The following ABCB5 variants were observed in gnomAD, a reference collection of about 807,000 sequenced individuals.
ABCB5 encodes the protein ATP-binding cassette sub-family B member 5.
A neutral mutation model predicts 144.2 loss-of-function variants in ABCB5; 155 were observed. That is an observed-to-expected ratio of 1.08 (90% CI 0.94 to 1.23). The LOEUF is 1.23. ABCB5 is among the 50% of genes most tolerant of loss of function. The probability of loss-of-function intolerance (pLI) is 0.00; values close to 1 mark genes in which losing one functional copy is unlikely to be tolerated. For synonymous variants in ABCB5, 610 were observed against 528.6 expected, an observed-to-expected ratio of 1.15 and a Z score of -2.11; for missense variants, 1,830 against 1,520.8, an observed-to-expected ratio of 1.20 and a Z score of -3.38.
chr7:20,750,010 C>T (rs1782866783), intron 26 of ABCB5, among the ~76,000 whole-genome samples: 1 of 152,040 alleles, frequency 6.6e-6, no homozygotes, highest in African/African-American at 2.4e-5. Context: ...ACTTAAATCA[C>T]AAGGAAAGAA....
chr7:20,676,603 CAG>C (rs1483827646), intron 14 of ABCB5, among the ~76,000 whole-genome samples: 2 of 152,102 alleles, frequency 1.3e-5, no homozygotes, highest in African/African-American at 4.8e-5. Flanking sequence ...GGGAGAGAAA[CAG>C]GGAATTGCTG....
At chr7:20,626,218 T>A (rs1783905532) in intron 2 of ABCB5, among the ~76,000 whole-genome samples, 1 of 152,164 alleles carries the variant, frequency 6.6e-6, no homozygotes, top group South Asian at 2.1e-4. Context: ...AGTAAAGAGT[T>A]CTGTGGGTAA....
intron 16 of ABCB5, among the ~76,000 whole-genome samples, chr7:20,690,533 TC>T (rs1420098836): frequency 6.6e-6 from 1 of 152,040 alleles, no homozygotes; most frequent in Non-Finnish European, 1.5e-5. Context: ...CATTAGAGGG[TC>T]TTATTCAGAA....
In ABCB5 at chr7:20,756,859, T is replaced by C. The variant is rs1045782367; in HGVS notation, c.*1235T>C. On this transcript the variant is annotated 3_prime_UTR_variant, in exon 28 of 28. Coordinates refer to ENST00000404938, the MANE Select transcript of ABCB5 (RefSeq NM_001163941.2). ...CACCTGGTGATTTTATCTTTATTCT[T>C]CAGTGTATTTTCTTCCATTTACACA... 4.6e-5 allele frequency: 7 copies of C among 152,348 alleles called. No homozygotes were observed. The highest frequency in any genetic ancestry group is 1.7e-4 in the African/African-American group (7 of 41,458). The allele number at this position is 152,348 out of a possible 1,614,324, so 9.4% of individuals were successfully genotyped here. A position where few individuals can be genotyped will look rare whatever the true frequency, so the allele number is the denominator to read the frequency against.
intron 19 of ABCB5, among the ~76,000 whole-genome samples, chr7:20,701,941 C>T (rs192091773): frequency 5.5e-4 from 83 of 152,168 alleles, no homozygotes; most frequent in Non-Finnish European, 1.0e-3. Context: ...TAAGGGAAGC[C>T]CCTAGTGTGC....
intron 16 of ABCB5, among the ~76,000 whole-genome samples, chr7:20,690,901 T>C (rs764220108): frequency 3.3e-5 from 5 of 152,172 alleles, no homozygotes; most frequent in African/African-American, 9.7e-5. Flanking sequence ...TTAACTGCCG[T>C]GAAGAATCAC....
At chr7:20,622,183 G>T (rs1236174172) in intron 1 of ABCB5, among the ~76,000 whole-genome samples, 1 of 152,068 alleles carries the variant, frequency 6.6e-6, no homozygotes, top group African/African-American at 2.4e-5. Context: ...AGGCTTAATT[G>T]TTTTGATTTC....
intron 16 of ABCB5, among the ~76,000 whole-genome samples, chr7:20,694,499 G>A (rs1048201144): frequency 1.8e-4 from 27 of 152,070 alleles, no homozygotes; most frequent in Non-Finnish European, 4.4e-5. Flanking sequence ...AAAAACAACG[G>A]CTAACATCAT....
intron 23 of ABCB5, among the ~76,000 whole-genome samples, chr7:20,734,654 GA>G (rs924985936): frequency 2.0e-5 from 3 of 149,930 alleles, no homozygotes; most frequent in East Asian, 2.0e-4. Context: ...GCCTCTAAAA[GA>G]AAAAAAAAGA....
chr7:20,662,106 C>T (rs1025332534), intron 14 of ABCB5, among the ~76,000 whole-genome samples: 2 of 152,132 alleles, frequency 1.3e-5, no homozygotes, highest in African/African-American at 2.4e-5. Context: ...TGTGAAAGCT[C>T]TGTGAAATGT....
chr7:20,646,538 A>G (rs960954687), intron 9 of ABCB5, among the ~76,000 whole-genome samples: 3 of 152,210 alleles, frequency 2.0e-5, no homozygotes, highest in African/African-American at 4.8e-5. Context: ...TGGTCTGTAG[A>G]GTTTACACTC....
intron 16 of ABCB5, among the ~76,000 whole-genome samples, chr7:20,686,679 T>C (rs1217396031): frequency 6.6e-6 from 1 of 152,092 alleles, no homozygotes; most frequent in African/African-American, 2.4e-5. Flanking sequence ...TCCCTCACCC[T>C]TGCCCCTGTA....
rs535940995 is a variant in ABCB5 at position 20,630,179 on chromosome 7, T to C, written c.259+1341T>C. 7.2e-5 allele frequency among the ~76,000 whole-genome samples: 11 copies of C among 152,264 alleles called. No homozygotes were observed. In the East Asian group the frequency reaches 1.9e-3, roughly 27 times the overall value. ...ATTATAAATATTAGTAATTTCCTGA[T>C]TTTATATGCTTTTCCCCAAATTCCA... On this transcript the variant is annotated intron_variant, in intron 4 of 27. Transcript: ENST00000404938.
chr7:20,676,013 A>C (rs1785590378), intron 14 of ABCB5, among the ~76,000 whole-genome samples: 1 of 152,034 alleles, frequency 6.6e-6, no homozygotes, highest in South Asian at 2.1e-4. Flanking sequence ...AAAATAAATA[A>C]ATAAATAAGT....
chr7:20,669,723 T>TTA (rs764924556), intron 14 of ABCB5, among the ~76,000 whole-genome samples: 84 of 65,552 alleles, frequency 1.3e-3, no homozygotes, highest in African/African-American at 4.1e-3. Flanking sequence ...GAATGATCAA[T>TTA]AAAAAAAAAA....
intron 5 of ABCB5, among the ~76,000 whole-genome samples, chr7:20,634,255 T>TGTGTGG (rs1179269077): frequency 2.6e-5 from 4 of 151,196 alleles, no homozygotes; most frequent in African/African-American, 9.7e-5. Flanking sequence ...TGTGTGTGTG[T>TGTGTGG]GTGTGTGTGT....
At chr7:20,678,548 G>A (rs542954886) in intron 14 of ABCB5, among the ~76,000 whole-genome samples, 21 of 152,204 alleles carry the variant, frequency 1.4e-4, no homozygotes, top group African/African-American at 4.6e-4. Flanking sequence ...ACTAGCTGTC[G>A]ATTGTTGATT....
chr7:20,711,821 TTTC>T (rs1424132094), intron 20 of ABCB5, among the ~76,000 whole-genome samples: 3 of 53,178 alleles, frequency 5.6e-5, no homozygotes, highest in Non-Finnish European at 8.8e-5. Flanking sequence ...TCTTTCTTTC[TTTC>T]TTTCTTTCTT....
intron 19 of ABCB5, among the ~76,000 whole-genome samples, chr7:20,702,655 A>ATT (rs34454519): frequency 0.019 from 2,238 of 117,080 alleles, 92 homozygotes; most frequent in African/African-American, 0.068. Flanking sequence ...CATATAATGG[A>ATT]TTTTTTTTTT....
Sources: gnomAD v4.1 joint callset for allele counts (sites outside exome capture counted in the v4.1 genomes callset) on GRCh38, gnomAD v4.1.1 for gene constraint, MANE v1.5 for transcripts, NCBI Gene and HGNC (gene_info 2026-07-23, HGNC 2026-07-21) for gene names.